CACNA1D: variants seen among roughly 807,000 people sequenced by gnomAD.
CACNA1D encodes the protein calcium voltage-gated channel subunit alpha1 D, also known as voltage-dependent L-type calcium channel subunit alpha-1D.
CACNA1D carries 55 observed loss-of-function variants against 257.1 expected under a neutral mutation model. The observed-to-expected ratio is 0.21, with a 90% CI of 0.17 to 0.27. The LOEUF (loss-of-function observed/expected upper bound fraction) is 0.27, where lower values mean the gene tolerates loss of function less well. Ranked by LOEUF, CACNA1D falls within the 10% of genes least tolerant of loss-of-function variation. The probability of loss-of-function intolerance (pLI) is 1.00; values close to 1 mark genes in which losing one functional copy is unlikely to be tolerated. For missense variants in CACNA1D, 1,876 were observed against 2,784.0 expected (o/e 0.67, Z 7.34); for synonymous variants, 980 against 1,014.9 (o/e 0.97, Z 0.65).
chr3:53,526,226 C>T (rs1316936376), intron 3 of CACNA1D, among the ~76,000 whole-genome samples: 1 of 152,138 alleles, frequency 6.6e-6, no homozygotes, highest in Non-Finnish European at 1.5e-5. Flanking sequence ...CACCCCTCGA[C>T]CTGGGGAGGA....
chr3:53,785,260 A>G (rs2095446717), intron 39 of CACNA1D, among the ~76,000 whole-genome samples: 1 of 152,104 alleles, frequency 6.6e-6, no homozygotes. Context: ...ATTAGGAACC[A>G]TGTTTTACAT....
Position 53,497,448 on chromosome 3 carries a change from A to T in CACNA1D, c.364A>T (p.Ile122Leu). ...NNPIRRACIS[I>L]VEWKPFDIFI... ...CCCCATCCGAAGAGCCTGCATTAGT[A>T]TAGTGGAATGGAAGTATCCTTTTTT... Residue 122 changes from isoleucine to leucine, a missense_variant, in exon 2 of 48, where the codon ATA (isoleucine) becomes TTA (leucine). Coordinates refer to ENST00000350061, the MANE Select transcript of CACNA1D (RefSeq NM_001128840.3). 1 of 1,614,118 alleles carries T rather than the reference A, an allele frequency of 6.2e-7. No homozygotes were observed. The highest frequency in any genetic ancestry group is 8.5e-7 in the Non-Finnish European group (1 of 1,179,998).
intron 9 of CACNA1D, among the ~76,000 whole-genome samples, chr3:53,704,902 G>C (rs2094670280): frequency 6.6e-6 from 1 of 152,200 alleles, no homozygotes; most frequent in Admixed American, 6.5e-5. Flanking sequence ...TCGTGTTCTA[G>C]TGTTGCTAAC....
chr3:53,571,993 A>G (rs950996875), intron 3 of CACNA1D, among the ~76,000 whole-genome samples: 2 of 152,208 alleles, frequency 1.3e-5, no homozygotes, highest in Non-Finnish European at 2.9e-5. Context: ...CCCTGGTTTT[A>G]CAAATGAGAA....
intron 40 of CACNA1D, among the ~76,000 whole-genome samples, chr3:53,790,015 A>G (rs527805496): frequency 7.0e-4 from 107 of 152,028 alleles, no homozygotes; most frequent in Admixed American, 7.9e-4. Flanking sequence ...CCATCCTTCC[A>G]TCCATCTTCA....
chr3:53,545,450 C>T (rs920115350), intron 3 of CACNA1D, among the ~76,000 whole-genome samples: 10 of 152,086 alleles, frequency 6.6e-5, no homozygotes, highest in Non-Finnish European at 2.9e-5. Context: ...GGGCTTTTGC[C>T]CTTGTCATGG....
At chr3:53,719,853 G>T in intron 11 of CACNA1D, 72 bp downstream of exon 11, 2 of 1,340,348 alleles carry the variant, frequency 1.5e-6, no homozygotes, top group South Asian at 2.3e-5. Context: ...TGAATTTTAC[G>T]TAGTATTGCT....
intron 3 of CACNA1D, among the ~76,000 whole-genome samples, chr3:53,544,529 G>C (rs1306973138): frequency 6.6e-6 from 1 of 152,116 alleles, no homozygotes; most frequent in Non-Finnish European, 1.5e-5. Context: ...CTGGGATGAT[G>C]CAGGCAAGGG....
chr3:53,778,215 A>G (rs2109048229), intron 37 of CACNA1D, among the ~76,000 whole-genome samples: 1 of 152,024 alleles, frequency 6.6e-6, no homozygotes, highest in Non-Finnish European at 1.5e-5. Context: ...TTTTCCATAA[A>G]CTTCCCAGTA....
chr3:53,665,634 A>C (rs1273962991), intron 5 of CACNA1D, 26 bp from the exon 6 acceptor site: 1 of 1,606,566 alleles, frequency 6.2e-7, no homozygotes, highest in Admixed American at 1.7e-5. Context: ...CTGGCTCACA[A>C]ACTTATTTTT....
Position 53,747,288 on chromosome 3 carries a change from G to A in CACNA1D, c.3168-14G>A, listed in dbSNP as rs747298700. On this transcript the variant is annotated splice_polypyrimidine_tract_variant and intron_variant, in intron 25 of 47. Coordinates refer to ENST00000350061, the MANE Select transcript of CACNA1D (RefSeq NM_001128840.3). ...GTGTGAAGCCAGACGACCCACACCT[G>A]TTTTCCTCTCCAGGGGACTTTTCAT... 6.2e-7 allele frequency: 1 copy of A among 1,613,610 alleles called. No individual in the cohort carries two copies. Among genetic ancestry groups the A allele is most frequent in the Non-Finnish European group, 8.5e-7 (1 of 1,179,540 alleles).
In CACNA1D at chr3:53,745,187, G is replaced by A. The variant is rs563852308; in HGVS notation, c.3006+360G>A. On this transcript the variant is annotated intron_variant, in intron 23 of 47. Coordinates refer to ENST00000350061, the MANE Select transcript of CACNA1D (RefSeq NM_001128840.3). ...TCTGTTTTCCTGAGTCATTTATGGGGTGGGGACCCTTTGGGCCCATGTGCC... is the reference window on the plus strand; with the variant it reads ...TCTGTTTTCCTGAGTCATTTATGGGATGGGGACCCTTTGGGCCCATGTGCC... 2.0e-5 allele frequency among the ~76,000 whole-genome samples: 3 copies of A among 150,922 alleles called. No homozygotes were observed. In the South Asian group the frequency reaches 6.3e-4, roughly 32 times the overall value.
rs1239281330 is a variant in CACNA1D, at chr3:53,743,094, G to A, written c.2895G>A (p.Val965=). ...FNLLDMLVVG[V]SLVSFGIQSS... ...TGCTGGATATGCTGGTGGTTGGGGT[G>A]TCTCTGGTGTCATTTGGGATTCAGT... Residue 965 remains valine (V), a synonymous_variant, in exon 22 of 48, where the codon GTG becomes GTA. Transcript: ENST00000350061. 4.3e-6 allele frequency: 7 copies of A among 1,612,816 alleles called. No homozygotes were observed. The highest frequency in any genetic ancestry group is 2.2e-5 in the East Asian group (1 of 44,868).
At position 53,496,970 on chromosome 3, in the gene CACNA1D, T is replaced by A. The variant is rs776568468; in HGVS notation, c.68-182T>A. On this transcript the variant is annotated intron_variant, in intron 1 of 47. Transcript: ENST00000350061. ...GACACTGAGACCAGAGCTCGTGGAC[T>A]TTTCTTGACTCTCCAGCTGACTAAA... is the stretch of plus-strand genomic sequence containing the variant. Among the ~76,000 whole-genome samples, 82 of 152,180 alleles carry A rather than the reference T, an allele frequency of 5.4e-4. 1 individual carries two copies. Among genetic ancestry groups the A allele is most frequent in the Admixed American group, 1.3e-4 (2 of 15,274 alleles).
chr3:53,791,127 A>G, intron 40 of CACNA1D: 2 of 687,344 alleles, frequency 2.9e-6, no homozygotes, highest in Non-Finnish European at 5.3e-6. Flanking sequence ...GAAATGCAGG[A>G]AAAAGCAGAC....
intron 3 of CACNA1D, among the ~76,000 whole-genome samples, chr3:53,598,001 T>C (rs1188691790): frequency 6.6e-6 from 1 of 152,208 alleles, no homozygotes; most frequent in African/African-American, 2.4e-5. Flanking sequence ...AGTTTGATGT[T>C]TATCATTTCC....
At chr3:53,734,809 A>G (rs1176266676) in intron 19 of CACNA1D, among the ~76,000 whole-genome samples, 1 of 152,212 alleles carries the variant, frequency 6.6e-6, no homozygotes, top group Admixed American at 6.5e-5. Context: ...CATCTATTAC[A>G]AAATCTGCAG....
intron 8 of CACNA1D, among the ~76,000 whole-genome samples, chr3:53,683,847 A>C (rs1401498): frequency 0.027 from 4,113 of 152,282 alleles, 197 homozygotes; most frequent in African/African-American, 0.094. Flanking sequence ...AGGAGAATAA[A>C]GAGATTGAGG....
chr3:53,749,794 C>T (rs528715193), intron 27 of CACNA1D, among the ~76,000 whole-genome samples: 3 of 152,264 alleles, frequency 2.0e-5, no homozygotes, highest in Non-Finnish European at 2.9e-5. Context: ...GCCACTCACA[C>T]AGACATTCAC....
Sources: gnomAD v4.1 joint callset for allele counts (sites outside exome capture counted in the v4.1 genomes callset) on GRCh38, gnomAD v4.1.1 for gene constraint, MANE v1.5 for transcripts, NCBI Gene and HGNC (gene_info 2026-07-23, HGNC 2026-07-21) for gene names.